The following JAZF1 variants were observed in gnomAD, a reference collection of about 807,000 sequenced individuals.
JAZF1 encodes juxtaposed with another zinc finger protein 1.
A neutral mutation model predicts 26.4 loss-of-function variants in JAZF1; 8 were observed. That is an observed-to-expected ratio of 0.30 (90% confidence interval 0.18 to 0.55). JAZF1 has a LOEUF of 0.55. JAZF1 is among the 20% of genes least tolerant of loss of function. The probability of loss-of-function intolerance (pLI) is 0.94; values close to 1 mark genes in which losing one functional copy is unlikely to be tolerated. For missense variants in JAZF1, 199 were observed against 322.0 expected, an observed-to-expected ratio of 0.62 and a Z score of 2.92; for synonymous variants, 126 against 122.3, an observed-to-expected ratio of 1.03 and a Z score of -0.20.
chr7:27,862,222 T>G (rs1396536080), intron 3 of JAZF1, among the ~76,000 whole-genome samples: 1 of 152,208 alleles, frequency 6.6e-6, no homozygotes. Flanking sequence ...ATTTTCAACT[T>G]TTATTTTAGA....
At chr7:28,003,997 C>T (rs1308482996) in intron 1 of JAZF1, among the ~76,000 whole-genome samples, 2 of 152,156 alleles carry the variant, frequency 1.3e-5, no homozygotes, top group African/African-American at 4.8e-5. Context: ...GTCCTCCTGC[C>T]TGCCCCTACC....
chr7:27,938,831 G>A (rs1441746562), intron 2 of JAZF1, among the ~76,000 whole-genome samples: 1 of 148,458 alleles, frequency 6.7e-6, no homozygotes, highest in Non-Finnish European at 1.5e-5. Context: ...TGTAGAAATG[G>A]AGTTTTGCCA....
At chr7:28,083,073 T>G (rs1481000868) in intron 1 of JAZF1, among the ~76,000 whole-genome samples, 1 of 152,204 alleles carries the variant, frequency 6.6e-6, no homozygotes, top group Non-Finnish European at 1.5e-5. Flanking sequence ...ATGTTTTCCC[T>G]CATCCAAATC....
intron 3 of JAZF1, among the ~76,000 whole-genome samples, chr7:27,864,843 T>C (rs886202791): frequency 5.3e-5 from 8 of 152,140 alleles, no homozygotes; most frequent in Non-Finnish European, 1.2e-4. Context: ...GAGATCAAAA[T>C]GACTTATTTT....
intron 2 of JAZF1, among the ~76,000 whole-genome samples, chr7:27,973,603 G>T (rs38501): frequency 0.056 from 8,474 of 152,270 alleles, 353 homozygotes; most frequent in Non-Finnish European, 0.084. Flanking sequence ...CCGGTAGGGG[G>T]TGTATGATTT....
rs58952216 is a variant in JAZF1 at position 28,174,821 on chromosome 7, GGT to G, written c.115+5640_115+5641del. Among the ~76,000 whole-genome samples, 614 of 107,722 alleles carry G rather than the reference GGT, an allele frequency of 5.7e-3. 52 individuals are homozygous for G. The highest frequency in any genetic ancestry group is 0.019 in the Middle Eastern group (4 of 216). The allele number at this position is 107,722 out of a possible 152,430, so 70.7% of individuals were successfully genotyped here. A position where few individuals can be genotyped will look rare whatever the true frequency, so the allele number is the denominator to read the frequency against. On this transcript the variant is annotated intron_variant, in intron 1 of 4. Coordinates refer to ENST00000283928, the MANE Select transcript of JAZF1 (RefSeq NM_175061.4). The stretch of plus-strand genomic sequence containing the variant: ...CCTGATCCTGCCTATGGGGTGTGTG[GGT>G]GTGTGTGTGTGTGTGTGTGTGTGTG...
At chr7:27,852,208 T>C (rs1783164480) in intron 3 of JAZF1, among the ~76,000 whole-genome samples, 1 of 151,702 alleles carries the variant, frequency 6.6e-6, no homozygotes, top group Admixed American at 6.6e-5. Flanking sequence ...CTGAGCTCAC[T>C]GCAACCTCCA....
chr7:27,847,389 C>T (rs1328278312), intron 3 of JAZF1, among the ~76,000 whole-genome samples: 1 of 152,112 alleles, frequency 6.6e-6, no homozygotes. Flanking sequence ...GCTTTCTCCC[C>T]CACATTCTCC....
intron 1 of JAZF1, among the ~76,000 whole-genome samples, chr7:28,019,363 C>T (rs373119116): frequency 6.6e-6 from 1 of 152,272 alleles, no homozygotes; most frequent in East Asian, 1.9e-4. Context: ...AGGGTGGCAA[C>T]CTCTGCCGGC....
At chr7:27,849,772 C>CACACACACACACACAT (rs140580370) in intron 3 of JAZF1, among the ~76,000 whole-genome samples, 4 of 147,120 alleles carry the variant, frequency 2.7e-5, no homozygotes, top group Non-Finnish European at 4.5e-5. Context: ...CACACACACA[C>CACACACACACACACAT]ACCCCTACAC....
At chr7:28,131,844 T>C (rs780805564) in intron 1 of JAZF1, among the ~76,000 whole-genome samples, 3 of 152,172 alleles carry the variant, frequency 2.0e-5, no homozygotes, top group South Asian at 2.1e-4. Flanking sequence ...TATGGGAAAA[T>C]TGACAAAACA....
intron 2 of JAZF1, among the ~76,000 whole-genome samples, chr7:27,921,391 A>G (rs1784527247): frequency 6.6e-6 from 1 of 151,108 alleles, no homozygotes; most frequent in Admixed American, 6.6e-5. Context: ...GGTATTATAG[A>G]GCCCTCTGCA....
At chr7:28,118,794 C>CACA (rs1562593756) in intron 1 of JAZF1, among the ~76,000 whole-genome samples, 32 of 142,892 alleles carry the variant, frequency 2.2e-4, no homozygotes, top group African/African-American at 8.5e-4. Context: ...ACACACACAA[C>CACA]ACACACACAC....
In JAZF1 at chr7:27,988,519, G is replaced by T. The variant is rs6947815; in HGVS notation, c.188+3390C>A. ...CCTCCCCGTGTAGCTGGGGATACAG[G>T]TGTACACTACCAAACCTGGCCAAAA... On this transcript the variant is annotated intron_variant, in intron 2 of 4. Transcript: ENST00000283928. 4.8e-3 allele frequency among the ~76,000 whole-genome samples: 724 copies of T among 152,046 alleles called. 9 individuals are homozygous for T. Among genetic ancestry groups the T allele is most frequent in the African/African-American group, 0.017 (685 of 41,454 alleles).
intron 1 of JAZF1, among the ~76,000 whole-genome samples, chr7:28,038,126 C>T (rs1180150808): frequency 1.3e-5 from 2 of 152,138 alleles, no homozygotes; most frequent in Non-Finnish European, 2.9e-5. Flanking sequence ...AACCAATGGG[C>T]TAATGCAACA....
chr7:27,916,052 G>C (rs1784439801), intron 2 of JAZF1, among the ~76,000 whole-genome samples: 1 of 152,084 alleles, frequency 6.6e-6, no homozygotes, highest in African/African-American at 2.4e-5. Flanking sequence ...ACAGGGGTGG[G>C]TATGGGAGGC....
intron 1 of JAZF1, among the ~76,000 whole-genome samples, chr7:28,171,884 G>C (rs185711686): frequency 7.9e-5 from 12 of 152,282 alleles, no homozygotes; most frequent in Non-Finnish European, 4.4e-5. Context: ...CGAATTGGGA[G>C]CTCAAGGAAT....
In JAZF1 at chr7:28,166,661, C is replaced by T. The variant is rs113565844; in HGVS notation, c.115+13802G>A. On this transcript the variant is annotated intron_variant, in intron 1 of 4. Transcript: ENST00000283928. ...AATGCCTTCTTTCCGAAAGAGAAAA[C>T]TATATTTATCAAACATGGAAGTATT... Among the ~76,000 whole-genome samples the T allele has an allele frequency of 8.5e-3, 1,296 of 152,306 alleles. 9 individuals carry two copies. Among genetic ancestry groups the T allele is most frequent in the African/African-American group, 0.018 (741 of 41,562 alleles).
chr7:28,025,278 C>G (rs1008942922), intron 1 of JAZF1, among the ~76,000 whole-genome samples: 2 of 152,152 alleles, frequency 1.3e-5, no homozygotes, highest in African/African-American at 4.8e-5. Flanking sequence ...CCCAGTCAAC[C>G]CTTTATTCTA....
Sources: gnomAD v4.1 joint callset for allele counts (sites outside exome capture counted in the v4.1 genomes callset) on GRCh38, gnomAD v4.1.1 for gene constraint, MANE v1.5 for transcripts, NCBI Gene and HGNC (gene_info 2026-07-23, HGNC 2026-07-21) for gene names.